The following SLC7A8 variants were observed in gnomAD, a reference collection of about 807,000 sequenced individuals.
The protein encoded by SLC7A8 is large neutral amino acids transporter small subunit 2.
In SLC7A8, 30 loss-of-function variants were observed where a neutral mutation model predicts 51.2. The ratio of observed to expected loss-of-function variants is 0.59; its 90% CI spans 0.44 to 0.80. SLC7A8 has a LOEUF of 0.80. Ranked by LOEUF, SLC7A8 falls within the 30% of genes least tolerant of loss-of-function variation. SLC7A8 has a pLI of 0.00. For missense variants in SLC7A8, 612 were observed against 674.4 expected (o/e 0.91, Z 1.03); for synonymous variants, 257 against 275.8 (o/e 0.93, Z 0.67).
Position 23,127,316 on chromosome 14 carries a change from ATCT to A in SLC7A8, c.1466_1468del (p.Lys489del). On this transcript the variant is annotated inframe_deletion, in exon 11 of 11. Coordinates refer to ENST00000316902, the MANE Select transcript of SLC7A8 (RefSeq NM_012244.4). ...CACCTCGGGGTACACGACCACACAC[ATCT>A]TCTGGCTCACCAGGGTTAGCAGCTC... 6.2e-7 allele frequency: 1 copy of A among 1,614,078 alleles called. No homozygotes were observed. The highest frequency in any genetic ancestry group is 8.5e-7 in the Non-Finnish European group (1 of 1,179,950).
chr14:23,131,967 G>GA (rs560081348), intron 7 of SLC7A8, among the ~76,000 whole-genome samples: 166 of 150,830 alleles, frequency 1.1e-3, no homozygotes, highest in Middle Eastern at 7.0e-3. Flanking sequence ...CACTGGGACT[G>GA]AACTGCATAT....
intron 3 of SLC7A8, among the ~76,000 whole-genome samples, chr14:23,152,720 T>C (rs2048858464): frequency 6.6e-6 from 1 of 152,210 alleles, no homozygotes; most frequent in African/African-American, 2.4e-5. Context: ...CGGTGATGTT[T>C]TCAGGTGCTC....
intron 3 of SLC7A8, among the ~76,000 whole-genome samples, chr14:23,145,528 A>G (rs1187501176): frequency 3.0e-4 from 14 of 47,020 alleles, no homozygotes; most frequent in African/African-American, 1.3e-3. Context: ...CCACATCTCA[A>G]AAAAAAAAGA....
At chr14:23,134,582 G>C (rs1050738623) in intron 7 of SLC7A8, among the ~76,000 whole-genome samples, 1 of 151,412 alleles carries the variant, frequency 6.6e-6, no homozygotes, top group South Asian at 2.1e-4. Flanking sequence ...TTTAGAGATG[G>C]GGTCTTGCTC....
intron 1 of SLC7A8, among the ~76,000 whole-genome samples, chr14:23,178,722 T>A (rs914465763): frequency 6.6e-6 from 1 of 151,492 alleles, no homozygotes; most frequent in African/African-American, 2.4e-5. Context: ...CAAGATAGCC[T>A]GGGCAACATA....
chr14:23,145,102 A>G (rs2048780311), intron 3 of SLC7A8, among the ~76,000 whole-genome samples: 1 of 151,034 alleles, frequency 6.6e-6, no homozygotes, highest in Non-Finnish European at 1.5e-5. Flanking sequence ...TTGTATTTTT[A>G]GTAAAGACAG....
At chr14:23,169,828 A>G (rs2048967621) in intron 1 of SLC7A8, among the ~76,000 whole-genome samples, 1 of 152,228 alleles carries the variant, frequency 6.6e-6, no homozygotes, top group South Asian at 2.1e-4. Context: ...CTAGAAAGGC[A>G]GTTATTTGCC....
At chr14:23,175,174 C>T (rs1210858797) in intron 1 of SLC7A8, among the ~76,000 whole-genome samples, 2 of 152,050 alleles carry the variant, frequency 1.3e-5, no homozygotes, top group African/African-American at 2.4e-5. Context: ...GTGCTGGCCG[C>T]TCTTGAGAAG....
intron 1 of SLC7A8, 122 bp from the exon 2 acceptor site, chr14:23,166,662 G>T: frequency 1.0e-6 from 1 of 973,374 alleles, no homozygotes; most frequent in Middle Eastern, 3.2e-4. Flanking sequence ...ATATGTAAAT[G>T]ATCTGCAGGC....
Position 23,128,338 on chromosome 14 carries a change from C to T in SLC7A8, c.1264-142G>A, listed in dbSNP as rs1186949788. ...CTGGGCTTCCCTCGGCTCTGTGGTCCCACACTCACCCCTGGTAGGGCAGGG... is the reference window on the plus strand; with the variant it reads ...CTGGGCTTCCCTCGGCTCTGTGGTCTCACACTCACCCCTGGTAGGGCAGGG... On this transcript the variant is annotated intron_variant, in intron 9 of 10. Transcript: ENST00000316902. This position sits in a 1 kb window ranked among gnomAD's most constrained non-coding sequence, Gnocchi z 4.3. 1.3e-6 allele frequency: 2 copies of T among 1,540,950 alleles called. No individual in the cohort carries two copies. Among genetic ancestry groups the T allele is most frequent in the East Asian group, 4.9e-5 (2 of 40,952 alleles).
In SLC7A8 at chr14:23,128,239, G is replaced by A. The variant is rs1390000352; in HGVS notation, c.1264-43C>T. The A allele has an allele frequency of 1.2e-6, 2 of 1,609,970 alleles. No homozygotes were observed. Among genetic ancestry groups the A allele is most frequent in the Non-Finnish European group, 1.7e-6 (2 of 1,178,206 alleles). On this transcript the variant is annotated intron_variant, in intron 9 of 10. Coordinates refer to ENST00000316902, the MANE Select transcript of SLC7A8 (RefSeq NM_012244.4). The surrounding 1 kb of genome is among the most constrained non-coding windows in gnomAD (Gnocchi z 4.3). The stretch of plus-strand genomic sequence containing the variant: ...GAGGCGTATGAACTGTGTAGGCCAC[G>A]TGGCCCCCAGGACTAGGGACTGGGG...
intron 6 of SLC7A8, 122 bp downstream of exon 6, chr14:23,139,302 G>C: frequency 6.7e-7 from 1 of 1,492,208 alleles, no homozygotes; most frequent in Non-Finnish European, 9.3e-7. Flanking sequence ...TTTCTGCCCT[G>C]AGAACTTGGG....
chr14:23,158,521 T>G (rs12887877), intron 3 of SLC7A8, among the ~76,000 whole-genome samples: 16 of 147,730 alleles, frequency 1.1e-4, no homozygotes, highest in Non-Finnish European at 2.4e-4. Context: ...AATTTTTGTA[T>G]TTTTAGTAGC....
intron 1 of SLC7A8, among the ~76,000 whole-genome samples, chr14:23,179,441 C>T (rs962057498): frequency 1.3e-5 from 2 of 151,916 alleles, no homozygotes; most frequent in Non-Finnish European, 2.9e-5. Context: ...TTTAAATTAT[C>T]CCTCTTAGTC....
At position 23,180,158 on chromosome 14, in the gene SLC7A8, G is replaced by A. The variant is rs578052216; in HGVS notation, c.151+2606C>T. Among the ~76,000 whole-genome samples, 200 of 152,226 alleles carry A rather than the reference G, an allele frequency of 1.3e-3. 1 individual carries two copies. Among genetic ancestry groups the A allele is most frequent in the Non-Finnish European group, 1.8e-3 (123 of 68,020 alleles). On this transcript the variant is annotated intron_variant, in intron 1 of 10. Coordinates refer to ENST00000316902, the MANE Select transcript of SLC7A8 (RefSeq NM_012244.4). Reference sequence around the variant, plus strand: ...CCTGACCTCGTGATCCGCCCGCCTTGGCCTCCCAAAGTGCTGGGATTACAG... The same window carrying A: ...CCTGACCTCGTGATCCGCCCGCCTTAGCCTCCCAAAGTGCTGGGATTACAG...
rs1368951160 is a variant in SLC7A8, at chr14:23,155,295, G to A, written c.508+9990C>T. On this transcript the variant is annotated intron_variant, in intron 3 of 10. Transcript: ENST00000316902. ...CAGAGAAGCTGTGAGGGCTGTGAGTGCTCCTGGAGGCACACAGCTTTTACC... is the reference window on the plus strand; with the variant it reads ...CAGAGAAGCTGTGAGGGCTGTGAGTACTCCTGGAGGCACACAGCTTTTACC... The A allele has an allele frequency of 3.9e-6, 6 of 1,535,868 alleles. No individual in the cohort carries two copies. The South Asian group carries it at 7.1e-5, about 18-fold the overall frequency.
Position 23,183,197 on chromosome 14 carries a change from T to G in SLC7A8, c.-283A>C. ...ATACATTTAAATATAAAAATAGAAC[T>G]GTGCCAGCGACTCCGGCTGGAATTC... On this transcript the variant is annotated 5_prime_UTR_variant, in exon 1 of 11. Transcript: ENST00000316902. The G allele has an allele frequency of 9.3e-6, 3 of 323,176 alleles. No individual in the cohort carries two copies. Among genetic ancestry groups the G allele is most frequent in the East Asian group, 7.2e-5 (1 of 13,830 alleles). 20.0% of individuals were successfully genotyped at this position (323,176 alleles called of 1,614,324 possible). A position where few individuals can be genotyped will look rare whatever the true frequency, so the allele number is the denominator to read the frequency against.
At chr14:23,157,474 C>T (rs886434047) in intron 3 of SLC7A8, among the ~76,000 whole-genome samples, 1 of 152,194 alleles carries the variant, frequency 6.6e-6, no homozygotes, top group Non-Finnish European at 1.5e-5. Flanking sequence ...GTCTGAAACC[C>T]TTCAAACCTC....
intron 6 of SLC7A8, 36 bp downstream of exon 6, chr14:23,139,388 T>C (rs762609786): frequency 2.5e-6 from 4 of 1,613,282 alleles, no homozygotes; most frequent in South Asian, 1.1e-5. Flanking sequence ...TATGTCTGCA[T>C]TCCTGGTATG....
Sources: allele counts gnomAD v4.1 joint callset (sites outside exome capture counted in the v4.1 genomes callset), GRCh38; gene constraint gnomAD v4.1.1; non-coding constraint Gnocchi (gnomAD v3.1); transcripts MANE v1.5; gene names NCBI Gene and HGNC (gene_info 2026-07-23, HGNC 2026-07-21).